The following WDR41 variants were observed in gnomAD, a reference collection of about 807,000 sequenced individuals.
WDR41 encodes the protein WD repeat-containing protein 41.
A neutral mutation model predicts 69.3 loss-of-function variants in WDR41; 63 were observed. The observed-to-expected ratio is 0.91, with a 90% CI of 0.74 to 1.12. The LOEUF (loss-of-function observed/expected upper bound fraction) is 1.12, where lower values mean the gene tolerates loss of function less well. Among genes scored for constraint, WDR41 ranks in the 50% most tolerant of loss-of-function variants. The pLI is 0.00. For synonymous variants in WDR41, 185 were observed against 192.1 expected (o/e 0.96, Z 0.31); for missense variants, 543 against 534.5 (o/e 1.02, Z -0.16).
chr5:77,445,690 T>A (rs773860832), intron 8 of WDR41, among the ~76,000 whole-genome samples: 1 of 152,184 alleles, frequency 6.6e-6, no homozygotes, highest in Non-Finnish European at 1.5e-5. Context: ...ATTATCTTAA[T>A]AGATGCAGAA....
At chr5:77,522,134 A>G (rs1320188950) in intron 1 of WDR41, among the ~76,000 whole-genome samples, 1 of 152,204 alleles carries the variant, frequency 6.6e-6, no homozygotes, top group Non-Finnish European at 1.5e-5. Context: ...TATGCTTTCA[A>G]GTTCACACCT....
At chr5:77,561,609 A>G (rs957313473) in intron 1 of WDR41, among the ~76,000 whole-genome samples, 1 of 152,184 alleles carries the variant, frequency 6.6e-6, no homozygotes, top group African/African-American at 2.4e-5. Context: ...GCTGAAAGTG[A>G]ACTTGAAATA....
rs765161423 is a variant in WDR41 at position 77,438,358 on chromosome 5, C to A, written c.886G>T (p.Val296Leu). 1 of 1,613,828 alleles carries A rather than the reference C, an allele frequency of 6.2e-7. No homozygotes were observed. Among genetic ancestry groups the A allele is most frequent in the South Asian group, 1.1e-5 (1 of 91,042 alleles). ...AAACCCCTTCCAACTGCAGCAAATA[C>A]ATTCTAGGGGAAGAAGTTCAGAAAT... The part of the protein sequence containing the change: ...IHHFTCDEEN[V>L]FAAVGRGLYV... The change falls in exon 10 of 13, where the codon GTA (valine) becomes TTA (leucine). Residue 296 changes from valine to leucine, a missense_variant. Transcript: ENST00000296679.
At chr5:77,501,072 G>T (rs111907131) in intron 1 of WDR41, among the ~76,000 whole-genome samples, 1 of 152,140 alleles carries the variant, frequency 6.6e-6, no homozygotes, top group Non-Finnish European at 1.5e-5. Context: ...AGGGCGAGGC[G>T]TTGCCTCACC....
chr5:77,615,238 C>A (rs1264903624), intron 1 of WDR41, among the ~76,000 whole-genome samples: 1 of 152,134 alleles, frequency 6.6e-6, no homozygotes, highest in Non-Finnish European at 1.5e-5. Context: ...CTCAAACTAA[C>A]TCTAAAGACA....
intron 1 of WDR41, among the ~76,000 whole-genome samples, chr5:77,540,174 G>A (rs1166187527): frequency 1.3e-5 from 2 of 152,218 alleles, no homozygotes; most frequent in Admixed American, 6.5e-5. Context: ...GCGAGAGGGT[G>A]TCAAATGTTA....
chr5:77,473,080 G>C (rs536262088), intron 2 of WDR41, among the ~76,000 whole-genome samples: 1 of 152,030 alleles, frequency 6.6e-6, no homozygotes, highest in African/African-American at 2.4e-5. Flanking sequence ...GCATGATACT[G>C]GTACCAAAAA....
At chr5:77,512,547 C>T (rs190915528) in intron 1 of WDR41, among the ~76,000 whole-genome samples, 1 of 151,494 alleles carries the variant, frequency 6.6e-6, no homozygotes, top group East Asian at 2.0e-4. Flanking sequence ...GTCAAGAGAT[C>T]GAGACCATCC....
At chr5:77,503,019 T>C (rs918438116) in intron 1 of WDR41, among the ~76,000 whole-genome samples, 6 of 151,990 alleles carry the variant, frequency 3.9e-5, no homozygotes, top group South Asian at 2.1e-4. Context: ...ATAACAATAT[T>C]AACCTTAAAT....
chr5:77,456,688 T>A (rs1034485884), intron 5 of WDR41, among the ~76,000 whole-genome samples: 6 of 152,104 alleles, frequency 3.9e-5, no homozygotes, highest in African/African-American at 1.4e-4. Context: ...TCTTTCACCA[T>A]TTTTAAAAAT....
intron 1 of WDR41, among the ~76,000 whole-genome samples, chr5:77,505,374 A>G (rs1429922446): frequency 2.6e-5 from 4 of 152,194 alleles, no homozygotes; most frequent in African/African-American, 7.2e-5. Context: ...AATGAAATAA[A>G]AGAGGATACA....
chr5:77,600,123 T>C (rs1744296069), intron 1 of WDR41, among the ~76,000 whole-genome samples: 2 of 152,200 alleles, frequency 1.3e-5, no homozygotes, highest in Non-Finnish European at 2.9e-5. Flanking sequence ...ACTACTAAAC[T>C]TTCATAGGTC....
intron 1 of WDR41, among the ~76,000 whole-genome samples, chr5:77,595,589 T>C (rs1470042999): frequency 6.7e-6 from 1 of 149,368 alleles, no homozygotes; most frequent in African/African-American, 2.4e-5. Context: ...TTTCCACTAT[T>C]GTAAGTGGTT....
rs1186029192 is a variant in WDR41 at position 77,480,092 on chromosome 5, A to G, written c.167+9365T>C. Reference sequence around the variant, plus strand: ...GAAAAAATGCTCACCATCACTGGCCATCAGAGAAATGCAAATCAAAACCAC... The same window carrying G: ...GAAAAAATGCTCACCATCACTGGCCGTCAGAGAAATGCAAATCAAAACCAC... On this transcript the variant is annotated intron_variant, in intron 2 of 12. Coordinates refer to ENST00000296679, the MANE Select transcript of WDR41 (RefSeq NM_018268.4). The G allele has an allele frequency of 3.3e-5, 5 of 152,094 alleles. No individual in the cohort carries two copies. In the East Asian group the frequency reaches 9.7e-4, roughly 29 times the overall value. The allele number at this position is 152,094 out of a possible 1,614,324, so 9.4% of individuals were successfully genotyped here.
chr5:77,543,817 T>G (rs1334146328), intron 1 of WDR41, among the ~76,000 whole-genome samples: 1 of 152,102 alleles, frequency 6.6e-6, no homozygotes, highest in Non-Finnish European at 1.5e-5. Context: ...ACCTGGGAAA[T>G]TCATCACAAA....
rs1479322596 is a variant in WDR41 at position 77,609,771 on chromosome 5, C to G, written c.42+10708G>C. 2.6e-5 allele frequency among the ~76,000 whole-genome samples: 4 copies of G among 152,054 alleles called. No homozygotes were observed. In the East Asian group the frequency reaches 7.7e-4, roughly 29 times the overall value. ...GCGCCTCTCCTCCTCCAAAGGAACACAGTTCCTCACCAGCAACGGAACAAA... is the reference window on the plus strand; with the variant it reads ...GCGCCTCTCCTCCTCCAAAGGAACAGAGTTCCTCACCAGCAACGGAACAAA... On this transcript the variant is annotated intron_variant, in intron 1 of 5. Coordinates refer to the WDR41 transcript ENST00000509971.
chr5:77,546,666 G>A (rs1032871365), intron 1 of WDR41, among the ~76,000 whole-genome samples: 3 of 152,054 alleles, frequency 2.0e-5, no homozygotes, highest in Non-Finnish European at 2.9e-5. Context: ...AGGACCAGAC[G>A]GATTCACAGC....
chr5:77,456,986 G>T (rs1181534007), intron 5 of WDR41, among the ~76,000 whole-genome samples: 5 of 152,152 alleles, frequency 3.3e-5, no homozygotes. Context: ...TTGCAGGCAT[G>T]AACTACCACA....
intron 1 of WDR41, among the ~76,000 whole-genome samples, chr5:77,535,679 C>T (rs1400335222): frequency 6.6e-6 from 1 of 152,134 alleles, no homozygotes. Flanking sequence ...ATCCTGGACT[C>T]ACAAAAACCA....
Sources: allele counts gnomAD v4.1 joint callset (sites outside exome capture counted in the v4.1 genomes callset), GRCh38; gene constraint gnomAD v4.1.1; transcripts MANE v1.5; gene names NCBI Gene and HGNC (gene_info 2026-07-23, HGNC 2026-07-21).